CEP70: variants seen among roughly 807,000 people sequenced by gnomAD.
CEP70 encodes the protein centrosomal protein of 70 kDa.
CEP70 carries 70 observed loss-of-function variants against 90.9 expected under a neutral mutation model. That is an observed-to-expected ratio of 0.77 (90% CI 0.64 to 0.94). CEP70 has a LOEUF of 0.94. Ranked by LOEUF, CEP70 falls within the 40% of genes least tolerant of loss-of-function variation. CEP70 has a pLI of 0.00. For missense variants in CEP70, 648 were observed against 669.0 expected (o/e 0.97, Z 0.35); for synonymous variants, 220 against 228.3 (o/e 0.96, Z 0.33).
intron 2 of CEP70, among the ~76,000 whole-genome samples, chr3:138,577,822 A>T (rs536705268): frequency 6.6e-6 from 1 of 152,322 alleles, no homozygotes; most frequent in South Asian, 2.1e-4. Flanking sequence ...CTAGATTTTT[A>T]AAAATCAAGC....
At chr3:138,530,592 C>T (rs1223982810) in intron 8 of CEP70, 1 of 985,370 alleles carries the variant, frequency 1.0e-6, no homozygotes, top group East Asian at 1.1e-4. Flanking sequence ...GCGAGAGGCC[C>T]ATGTCCCACC....
intron 6 of CEP70, among the ~76,000 whole-genome samples, chr3:138,546,697 C>T (rs547767888): frequency 4.6e-5 from 7 of 152,092 alleles, no homozygotes; most frequent in South Asian, 2.1e-4. Flanking sequence ...TGCAGTGAGC[C>T]GAGATCATGC....
At chr3:138,516,341 C>T (rs981835701) in intron 11 of CEP70, among the ~76,000 whole-genome samples, 1 of 151,890 alleles carries the variant, frequency 6.6e-6, no homozygotes, top group Non-Finnish European at 1.5e-5. Flanking sequence ...GAACCTTCCA[C>T]TTCTCTTTTC....
At chr3:138,560,088 C>G (rs979285567) in intron 6 of CEP70, among the ~76,000 whole-genome samples, 1 of 152,184 alleles carries the variant, frequency 6.6e-6, no homozygotes, top group Non-Finnish European at 1.5e-5. Context: ...TGAATAGGAA[C>G]AGCTCCAGTC....
chr3:138,536,828 A>G (rs1481012271), intron 7 of CEP70: 2 of 154,244 alleles, frequency 1.3e-5, no homozygotes, highest in African/African-American at 4.8e-5. Flanking sequence ...TCCTAAAATC[A>G]ATAACATAAT....
chr3:138,588,945 G>A (rs1265245147), intron 2 of CEP70, among the ~76,000 whole-genome samples: 3 of 152,122 alleles, frequency 2.0e-5, no homozygotes, highest in East Asian at 1.9e-4. Flanking sequence ...AAATAATTAC[G>A]CTGAAAGCCA....
intron 6 of CEP70, among the ~76,000 whole-genome samples, chr3:138,563,121 G>A (rs1008864613): frequency 6.6e-6 from 1 of 152,024 alleles, no homozygotes; most frequent in African/African-American, 2.4e-5. Context: ...TTGCATAATG[G>A]TAAAGGGATC....
intron 6 of CEP70, among the ~76,000 whole-genome samples, chr3:138,557,266 C>CT: frequency 6.6e-6 from 1 of 152,258 alleles, no homozygotes; most frequent in Non-Finnish European, 1.5e-5. Flanking sequence ...TTATCCTGTT[C>CT]TTTTTTCAAG....
In CEP70 at chr3:138,570,425, C is replaced by A. The variant is rs890574810; in HGVS notation, c.358G>T (p.Glu120Ter). The A allele has an allele frequency of 2.5e-6, 4 of 1,609,978 alleles. No individual in the cohort carries two copies. In the African/African-American group the frequency reaches 5.4e-5, roughly 22 times the overall value. The change falls in exon 6 of 18, where the codon GAA (glutamate) becomes TAA (stop). Residue 120 changes from glutamate to a stop codon, truncating the protein, a stop_gained. Coordinates refer to ENST00000264982, the MANE Select transcript of CEP70 (RefSeq NM_024491.4). LOFTEE classifies it high-confidence loss of function. ...TCACCAATTTTGGATTTCACACTTT[C>A]CATAATTTGTTCCAAGTCATTAGCT... ...QRANDLEQIM[E>*]SVKSKIGELE... is the part of the protein sequence containing the mutation.
chr3:138,554,073 T>TA (rs1248856046), intron 6 of CEP70, among the ~76,000 whole-genome samples: 4 of 151,822 alleles, frequency 2.6e-5, no homozygotes, highest in Non-Finnish European at 5.9e-5. Context: ...TGGTGGTGCA[T>TA]GCCTGTAATC....
chr3:138,517,356 A>AAGCTGAC (rs2036127689), intron 11 of CEP70, among the ~76,000 whole-genome samples: 1 of 152,142 alleles, frequency 6.6e-6, no homozygotes. Context: ...TAGGTAGCAT[A>AAGCTGAC]AGCTGACATG....
At chr3:138,518,391 G>T (rs967156914) in intron 11 of CEP70, among the ~76,000 whole-genome samples, 1 of 152,188 alleles carries the variant, frequency 6.6e-6, no homozygotes, top group Non-Finnish European at 1.5e-5. Context: ...CTCCTCAAGT[G>T]GGTCCCTGAC....
chr3:138,578,782 TC>T (rs763585250), intron 2 of CEP70, among the ~76,000 whole-genome samples: 10 of 152,156 alleles, frequency 6.6e-5, no homozygotes, highest in Non-Finnish European at 1.2e-4. Flanking sequence ...AGCACTGAGG[TC>T]TAACCCCATC....
intron 2 of CEP70, among the ~76,000 whole-genome samples, chr3:138,580,098 G>A (rs370865766): frequency 3.3e-5 from 5 of 152,040 alleles, no homozygotes; most frequent in Non-Finnish European, 5.9e-5. Context: ...CTGTGGTGGC[G>A]GTAGACAAGT....
chr3:138,520,329 G>A lies in CEP70; in HGVS notation c.944+5161C>T, dbSNP rs141700106. On this transcript the variant is annotated intron_variant, in intron 11 of 17. Transcript: ENST00000264982. ...AATTGAACTCAGCTCTGCACCAAGC[G>A]GACCTAATAGACATCTACAGAACTC... is the stretch of plus-strand genomic sequence containing the variant. 5.3e-3 allele frequency among the ~76,000 whole-genome samples: 802 copies of A among 152,140 alleles called. 5 individuals carry two copies. The highest frequency in any genetic ancestry group is 0.017 in the African/African-American group (708 of 41,482).
intron 2 of CEP70, among the ~76,000 whole-genome samples, chr3:138,573,284 C>T (rs1351383965): frequency 6.6e-6 from 1 of 151,024 alleles, no homozygotes; most frequent in Non-Finnish European, 1.5e-5. Flanking sequence ...GTAGAAGGAG[C>T]ATTTGAAGAG....
chr3:138,562,470 G>T (rs987537292), intron 6 of CEP70, among the ~76,000 whole-genome samples: 4 of 152,142 alleles, frequency 2.6e-5, no homozygotes, highest in African/African-American at 9.7e-5. Flanking sequence ...AAAGGTTGGG[G>T]TTACCCACAA....
At chr3:138,524,832 C>G (rs558137591) in intron 11 of CEP70, among the ~76,000 whole-genome samples, 4 of 152,268 alleles carry the variant, frequency 2.6e-5, no homozygotes, top group African/African-American at 7.2e-5. Context: ...TAAACTAGTT[C>G]AACCATTGTG....
In CEP70 at chr3:138,571,033, C is replaced by T. The variant is rs1408979528; in HGVS notation, c.284+1G>A. The T allele has an allele frequency of 1.3e-6, 2 of 1,568,834 alleles. No individual in the cohort carries two copies. Among genetic ancestry groups the T allele is most frequent in the Non-Finnish European group, 1.7e-6 (2 of 1,161,058 alleles). On this transcript the variant is annotated splice_donor_variant, in intron 5 of 17. Coordinates refer to ENST00000264982, the MANE Select transcript of CEP70 (RefSeq NM_024491.4). LOFTEE classifies it high-confidence loss of function. ...AAAAGAAATCTTTTCCATTTTCTCA[C>T]CTAAGCTGTTGATTAGTTTCTATAA...
Sources: allele counts gnomAD v4.1 joint callset (sites outside exome capture counted in the v4.1 genomes callset), GRCh38; gene constraint gnomAD v4.1.1; transcripts MANE v1.5; gene names NCBI Gene and HGNC (gene_info 2026-07-23, HGNC 2026-07-21).